The following CABP5 variants were observed in gnomAD, a reference collection of about 807,000 sequenced individuals.
CABP5 encodes calcium-binding protein 5.
In CABP5, 17 loss-of-function variants were observed where a neutral mutation model predicts 21.9. That is an observed-to-expected ratio of 0.78 (90% CI 0.53 to 1.17). The LOEUF (loss-of-function observed/expected upper bound fraction) is 1.17, where lower values mean the gene tolerates loss of function less well. CABP5 is among the 50% of genes most tolerant of loss of function. The pLI is 0.00. For synonymous variants in CABP5, 85 were observed against 79.4 expected (o/e 1.07, Z -0.37); for missense variants, 229 against 228.9 (o/e 1.00, Z 0.00).
intron 4 of CABP5, among the ~76,000 whole-genome samples, chr19:48,034,866 C>CG (rs1262484216): frequency 6.6e-6 from 1 of 151,860 alleles, no homozygotes; most frequent in Non-Finnish European, 1.5e-5. Flanking sequence ...TTTAATGAGA[C>CG]GGGGTCTCAC....
At chr19:48,033,663 C>T (rs1436529755) in intron 5 of CABP5, among the ~76,000 whole-genome samples, 1 of 152,070 alleles carries the variant, frequency 6.6e-6, no homozygotes, top group Non-Finnish European at 1.5e-5. Context: ...TGAGCAAAGA[C>T]AGGGAAGGAA....
chr19:48,040,859 C>T, intron 2 of CABP5, 111 bp from the exon 3 acceptor site: 1 of 1,052,328 alleles, frequency 9.5e-7, no homozygotes, highest in Non-Finnish European at 1.4e-6. Context: ...AAGGAGCGTA[C>T]ATTAGAAACA....
Position 48,040,605 on chromosome 19 carries a change from G to A in CABP5, c.238C>T (p.Leu80=), listed in dbSNP as rs8105198. 0.82 allele frequency: 1,316,684 copies of A among 1,613,232 alleles called. 538,615 individuals carry two copies. The highest frequency in any genetic ancestry group is 0.84 in the East Asian group (37,567 of 44,854). The stretch of plus-strand genomic sequence containing the variant: ...CATCCCTCCCATTCCCTGGACTCAC[G>A]GTTCATGCGGATTTGCTGGCCGAGC... ...IELGQQIRMN[L]GGRVDFDDFV... is the part of the protein sequence containing the mutation. The change falls in exon 3 of 6, where the codon CTG becomes TTG. Residue 80 remains leucine, a splice_region_variant and synonymous_variant. Transcript: ENST00000293255.
At chr19:48,037,995 A>C (rs994539525) in intron 4 of CABP5, among the ~76,000 whole-genome samples, 3 of 152,102 alleles carry the variant, frequency 2.0e-5, no homozygotes, top group African/African-American at 7.2e-5. Context: ...GCTCACTGCA[A>C]CCTCTGCCTC....
At chr19:48,042,851 G>A (rs1376833088) in intron 1 of CABP5, among the ~76,000 whole-genome samples, 4 of 152,200 alleles carry the variant, frequency 2.6e-5, no homozygotes, top group African/African-American at 9.7e-5. Flanking sequence ...GGGATCACAG[G>A]CGTGAGCCAC....
intron 1 of CABP5, 125 bp downstream of exon 1, chr19:48,043,735 T>G: frequency 1.3e-6 from 1 of 776,498 alleles, no homozygotes; most frequent in Non-Finnish European, 1.9e-6. Flanking sequence ...TTCTTATACC[T>G]TCTCAGCTCC....
At position 48,035,694 on chromosome 19, in the gene CABP5, T is replaced by G. The variant is rs190281335; in HGVS notation, c.349-1332A>C. 2.3e-3 allele frequency among the ~76,000 whole-genome samples: 356 copies of G among 152,360 alleles called. 1 individual carries two copies. The highest frequency in any genetic ancestry group is 3.7e-3 in the Admixed American group (56 of 15,304). On this transcript the variant is annotated intron_variant, in intron 4 of 5. Coordinates refer to ENST00000293255, the MANE Select transcript of CABP5 (RefSeq NM_019855.5). ...GCTGAGGAAGCTGCAAGTTAACAAGTGCCGTAAGGCAGGAAGGTGTACTTG... is the reference window on the plus strand; with the variant it reads ...GCTGAGGAAGCTGCAAGTTAACAAGGGCCGTAAGGCAGGAAGGTGTACTTG...
At position 48,041,575 on chromosome 19, in the gene CABP5, T is replaced by G. The variant is rs1325274763; in HGVS notation, c.92A>C (p.Glu31Ala). ...GCAACTGGGGAAGACGGTGTTACCT[T>G]CAATCTCATCTTGTCCCAGTGGTCT... ...RERPLGQDEI[E>A]ELREAFLEFD... Residue 31 changes from glutamate (E) to alanine (A), a missense_variant and splice_region_variant, in exon 2 of 6, where the codon GAA (glutamate) becomes GCA (alanine). Coordinates refer to ENST00000293255, the MANE Select transcript of CABP5 (RefSeq NM_019855.5). 6 of 1,612,052 alleles carry G rather than the reference T, an allele frequency of 3.7e-6. No individual in the cohort carries two copies. Among genetic ancestry groups the G allele is most frequent in the African/African-American group, 1.3e-5 (1 of 74,838 alleles).
At position 48,031,412 on chromosome 19, in the gene CABP5, C is replaced by T. The variant is rs572878511; in HGVS notation, c.497-830G>A. Among the ~76,000 whole-genome samples, 1,169 of 152,058 alleles carry T rather than the reference C, an allele frequency of 7.7e-3. 7 individuals are homozygous for T. The highest frequency in any genetic ancestry group is 0.015 in the African/African-American group (633 of 41,466). On this transcript the variant is annotated intron_variant, in intron 5 of 5. Coordinates refer to ENST00000293255, the MANE Select transcript of CABP5 (RefSeq NM_019855.5). ...AAAATTAGCTAGGCGTGGTGGCGGGCGCCTGTAATCCCAGCTACTCCACAG... is the reference window on the plus strand; with the variant it reads ...AAAATTAGCTAGGCGTGGTGGCGGGTGCCTGTAATCCCAGCTACTCCACAG...
At chr19:48,041,725 T>C (rs1967484467) in intron 1 of CABP5, 122 bp from the exon 2 acceptor site, 3 of 829,348 alleles carry the variant, frequency 3.6e-6, no homozygotes, top group Non-Finnish European at 5.6e-6. Flanking sequence ...CTCTCTCTCC[T>C]CCTCCATCCC....
At chr19:48,030,733 T>C in intron 5 of CABP5, 151 bp from the exon 6 acceptor site, 1 of 771,486 alleles carries the variant, frequency 1.3e-6, no homozygotes. Context: ...ATCTATGAAA[T>C]GGGAATCAGA....
At chr19:48,033,066 A>G (rs1485855422) in intron 5 of CABP5, among the ~76,000 whole-genome samples, 2 of 139,012 alleles carry the variant, frequency 1.4e-5, no homozygotes, top group Non-Finnish European at 3.0e-5. Flanking sequence ...CAATGGCGCG[A>G]TCTCAGCTCA....
chr19:48,037,014 A>G (rs1056867639), intron 4 of CABP5, among the ~76,000 whole-genome samples: 1 of 152,188 alleles, frequency 6.6e-6, no homozygotes, highest in African/African-American at 2.4e-5. Context: ...TAGCACAGCT[A>G]TTATGGAAAA....
chr19:48,039,989 ACAGGTTAC>A, intron 3 of CABP5, among the ~76,000 whole-genome samples: 1 of 152,208 alleles, frequency 6.6e-6, no homozygotes, highest in East Asian at 1.9e-4. Flanking sequence ...TGCTGGAATT[ACAGGTTAC>A]AGGTGTGAGA....
At chr19:48,036,460 A>G (rs1392612928) in intron 4 of CABP5, among the ~76,000 whole-genome samples, 1 of 152,200 alleles carries the variant, frequency 6.6e-6, no homozygotes, top group Non-Finnish European at 1.5e-5. Flanking sequence ...TGAAGTACTT[A>G]AAATAACCAC....
At chr19:48,032,220 C>A (rs1457940520) in intron 5 of CABP5, among the ~76,000 whole-genome samples, 1 of 151,970 alleles carries the variant, frequency 6.6e-6, no homozygotes, top group Non-Finnish European at 1.5e-5. Context: ...AAAGCAGGCA[C>A]CAAGTTTGTG....
intron 5 of CABP5, among the ~76,000 whole-genome samples, chr19:48,032,415 C>T (rs935856674): frequency 4.6e-5 from 7 of 151,296 alleles, no homozygotes; most frequent in East Asian, 1.9e-4. Flanking sequence ...CTGCAACCTC[C>T]GCCTCCCAAG....
At chr19:48,033,509 C>G (rs1967368524) in intron 5 of CABP5, among the ~76,000 whole-genome samples, 2 of 152,258 alleles carry the variant, frequency 1.3e-5, no homozygotes, top group South Asian at 4.1e-4. Flanking sequence ...ATCCGTATTA[C>G]TGCAGAAGCA....
intron 4 of CABP5, among the ~76,000 whole-genome samples, chr19:48,036,902 C>T (rs1967414342): frequency 6.6e-6 from 1 of 152,332 alleles, no homozygotes; most frequent in South Asian, 2.1e-4. Flanking sequence ...TATCACCTCA[C>T]ATCTGTTAGG....
Sources: allele counts gnomAD v4.1 joint callset (sites outside exome capture counted in the v4.1 genomes callset), GRCh38; gene constraint gnomAD v4.1.1; transcripts MANE v1.5; gene names NCBI Gene and HGNC (gene_info 2026-07-23, HGNC 2026-07-21).